CPT1A: variants seen among roughly 807,000 people sequenced by gnomAD.
CPT1A encodes carnitine palmitoyltransferase 1A, also known as carnitine O-palmitoyltransferase 1, liver isoform.
A neutral mutation model predicts 100.8 loss-of-function variants in CPT1A; 64 were observed. The observed-to-expected ratio is 0.63, with a 90% CI of 0.52 to 0.78. The LOEUF (loss-of-function observed/expected upper bound fraction) is 0.78. CPT1A is among the 30% of genes least tolerant of loss of function. The pLI, the probability that CPT1A is intolerant of heterozygous loss-of-function variation, is 0.00. For missense variants in CPT1A, 802 were observed against 1,034.1 expected (o/e 0.78, Z 3.08); for synonymous variants, 363 against 396.0 (o/e 0.92, Z 0.99).
chr11:68,815,601 G>T, intron 1 of CPT1A, 114 bp from the exon 2 acceptor site: 2 of 1,032,356 alleles, frequency 1.9e-6, no homozygotes, highest in Non-Finnish European at 2.9e-6. Flanking sequence ...CCACTTAACA[G>T]ATTTAATACT....
intron 1 of CPT1A, among the ~76,000 whole-genome samples, chr11:68,819,346 C>G (rs535896373): frequency 2.6e-5 from 4 of 152,174 alleles, no homozygotes; most frequent in Non-Finnish European, 5.9e-5. Context: ...TCCCAAAGTG[C>G]CGGGATTACT....
At chr11:68,781,377 T>A (rs138548687) in intron 11 of CPT1A, among the ~76,000 whole-genome samples, 84 of 152,308 alleles carry the variant, frequency 5.5e-4, no homozygotes, top group African/African-American at 1.9e-3. Flanking sequence ...CTCAGCACTT[T>A]GAGAGGCTGA....
At chr11:68,776,141 G>A (rs545948711) in intron 12 of CPT1A, among the ~76,000 whole-genome samples, 2 of 152,376 alleles carry the variant, frequency 1.3e-5, no homozygotes, top group South Asian at 4.1e-4. Flanking sequence ...CCTCACTTCA[G>A]TAATCCCAGC....
intron 1 of CPT1A, among the ~76,000 whole-genome samples, chr11:68,838,992 G>C (rs1857091896): frequency 6.6e-6 from 1 of 152,112 alleles, no homozygotes; most frequent in Admixed American, 6.6e-5. Context: ...TCTTTAAAGT[G>C]TGTTGGAGAG....
At chr11:68,773,233 T>C (rs2153996768) in intron 14 of CPT1A, 32 bp downstream of exon 14, 1 of 1,612,668 alleles carries the variant, frequency 6.2e-7, no homozygotes, top group East Asian at 2.2e-5. Flanking sequence ...CCCAAAGTGC[T>C]CACGACAAAA....
At position 68,794,675 on chromosome 11, in the gene CPT1A, T is replaced by C. The variant is rs535696263; in HGVS notation, c.879+129A>G. On this transcript the variant is annotated intron_variant, in intron 8 of 18. Coordinates refer to ENST00000265641, the MANE Select transcript of CPT1A (RefSeq NM_001876.4). ...ATCCGCCTGCTTTGGCCTCCCAAAG[T>C]GCCAAGATTACAGGCGTGAGACCCT... 190 of 818,424 alleles carry C rather than the reference T, an allele frequency of 2.3e-4. No individual in the cohort carries two copies. The African/African-American group carries it at 3.0e-3, about 13-fold the overall frequency. 50.7% of individuals were successfully genotyped at this position (818,424 alleles called of 1,614,324 possible).
intron 7 of CPT1A, among the ~76,000 whole-genome samples, chr11:68,795,937 G>A (rs1177473838): frequency 6.6e-6 from 1 of 151,196 alleles, no homozygotes; most frequent in Admixed American, 6.6e-5. Context: ...AAAAGTAAAT[G>A]ATTAAAAAAT....
chr11:68,788,630 T>TAAAAAAAAAAAAAAAAAAAAAAAG (rs1855529612), intron 9 of CPT1A, among the ~76,000 whole-genome samples: 1 of 27,548 alleles, frequency 3.6e-5, no homozygotes, highest in African/African-American at 1.4e-4. Context: ...CAAACAAAAG[T>TAAAAAAAAAAAAAAAAAAAAAAAG]AAAAAAAAAA....
intron 1 of CPT1A, among the ~76,000 whole-genome samples, chr11:68,817,142 G>GGT (rs1273424976): frequency 2.4e-5 from 3 of 127,618 alleles, no homozygotes; most frequent in African/African-American, 1.1e-4. Flanking sequence ...GTTGTGTGGG[G>GGT]GTGTGTGTGT....
At chr11:68,760,166 C>G (rs1462723791) in intron 17 of CPT1A, 59 bp downstream of exon 17, 1 of 1,224,270 alleles carries the variant, frequency 8.2e-7, no homozygotes, top group African/African-American at 1.5e-5. Context: ...CCCATCACAC[C>G]CCATTACCCA....
At chr11:68,803,386 A>G (rs1274914470) in intron 5 of CPT1A, among the ~76,000 whole-genome samples, 1 of 152,202 alleles carries the variant, frequency 6.6e-6, no homozygotes, top group Non-Finnish European at 1.5e-5. Context: ...GCAATCATTT[A>G]ATACAATGTT....
At chr11:68,798,043 G>T (rs1300945837) in intron 6 of CPT1A, among the ~76,000 whole-genome samples, 1 of 152,174 alleles carries the variant, frequency 6.6e-6, no homozygotes, top group Non-Finnish European at 1.5e-5. Context: ...TCCACAGACT[G>T]CTTCCCAGGT....
intron 17 of CPT1A, among the ~76,000 whole-genome samples, chr11:68,759,877 A>G (rs1009418398): frequency 6.6e-6 from 1 of 151,232 alleles, no homozygotes; most frequent in Admixed American, 6.6e-5. Flanking sequence ...AAAAATACAC[A>G]CACACACACA....
In CPT1A at chr11:68,841,897, G is replaced by T; in HGVS notation, c.-136C>A. On this transcript the variant is annotated 5_prime_UTR_variant, in exon 1 of 19. Transcript: ENST00000265641. This position sits in a 1 kb window ranked among gnomAD's most constrained non-coding sequence, Gnocchi z 6.3. ...GCCGCGGGCGAGGCCGAGCGCACCCGACGCCGGCAGCAGCGGATTGGCTGA... is the reference window on the plus strand; with the variant it reads ...GCCGCGGGCGAGGCCGAGCGCACCCTACGCCGGCAGCAGCGGATTGGCTGA... 1 of 985,808 alleles carries T rather than the reference G, an allele frequency of 1.0e-6. No individual in the cohort carries two copies. Among genetic ancestry groups the T allele is most frequent in the Non-Finnish European group, 1.2e-6 (1 of 830,268 alleles). The allele number at this position is 985,808 out of a possible 1,614,324, so 61.1% of individuals were successfully genotyped here.
In CPT1A at chr11:68,757,669, C is replaced by T. The variant is rs764302930; in HGVS notation, c.2297G>A (p.Gly766Asp). The T allele has an allele frequency of 6.2e-7, 1 of 1,614,078 alleles. No individual in the cohort carries two copies. The highest frequency in any genetic ancestry group is 8.5e-7 in the Non-Finnish European group (1 of 1,180,002). Residue 766 changes from glycine to aspartate, a missense_variant, in exon 19 of 19, where the codon GGT becomes GAT. Gly to Asp is a moderately conservative substitution (Grantham distance 94). Around this residue, in one of 4 missense-constraint regions of CPT1A, gnomAD observed 627 missense variants for 799.3 expected, o/e 0.78. Transcript: ENST00000265641. ...TTACTTTTTGGAATTAGAACTGAGACCAAACAAAGTGATGATGTCAGTCAT... is the reference window on the plus strand; with the variant it reads ...TTACTTTTTGGAATTAGAACTGAGATCAAACAAAGTGATGATGTCAGTCAT... ...EAMTDIITLF[G>D]LSSNSKK
chr11:68,814,713 G>C (rs1594362679), intron 2 of CPT1A, among the ~76,000 whole-genome samples: 1 of 151,960 alleles, frequency 6.6e-6, no homozygotes, highest in African/African-American at 2.4e-5. Context: ...TTGAGACAAA[G>C]TCTCGCTCTG....
chr11:68,817,449 G>A (rs751997440), intron 1 of CPT1A, among the ~76,000 whole-genome samples: 1 of 152,156 alleles, frequency 6.6e-6, no homozygotes, highest in Admixed American at 6.6e-5. Context: ...CTGCACACCA[G>A]CAGAAAAGGT....
intron 1 of CPT1A, among the ~76,000 whole-genome samples, chr11:68,820,934 T>G (rs1856566226): frequency 6.6e-6 from 1 of 152,110 alleles, no homozygotes; most frequent in African/African-American, 2.4e-5. Flanking sequence ...CCAAAACCCA[T>G]GAATGTGCAG....
rs1314725177 is a variant in CPT1A, at chr11:68,773,352, G to A, written c.1653C>T (p.Phe551=). The A allele has an allele frequency of 2.5e-6, 4 of 1,614,214 alleles. No individual in the cohort carries two copies. Among genetic ancestry groups the A allele is most frequent in the Non-Finnish European group, 3.4e-6 (4 of 1,180,048 alleles). Residue 551 remains phenylalanine, a synonymous_variant, in exon 14 of 19, where the codon TTC becomes TTT. Coordinates refer to ENST00000265641, the MANE Select transcript of CPT1A (RefSeq NM_001876.4). ...ANDVDFHSFP[F]VAFGKGIIKK... ...TGATGATTCCTTTACCAAAGGCTAC[G>A]AATGGGAAGGAATGGAAATCCACGT...
Sources: allele counts gnomAD v4.1 joint callset (sites outside exome capture counted in the v4.1 genomes callset), GRCh38; gene constraint gnomAD v4.1.1; regional missense constraint gnomAD v4.1.1; non-coding constraint Gnocchi (gnomAD v3.1); transcripts MANE v1.5; gene names NCBI Gene and HGNC (gene_info 2026-07-23, HGNC 2026-07-21).